The following CLEC20A variants were observed in gnomAD, a reference collection of about 807,000 sequenced individuals.
CLEC20A encodes C-type lectin domain containing 20A.
At chr1:178,495,344 G>A (rs946634076) in intron 1 of CLEC20A, among the ~76,000 whole-genome samples, 1 of 152,196 alleles carries the variant, frequency 6.6e-6, no homozygotes, top group Non-Finnish European at 1.5e-5. Context: ...AAGTACCCTG[G>A]GCAGGCTCTC....
chr1:178,487,297 A>G (rs1649172449), intron 5 of CLEC20A, among the ~76,000 whole-genome samples: 2 of 152,184 alleles, frequency 1.3e-5, no homozygotes, highest in Admixed American at 6.5e-5. Context: ...TTAGATGAGA[A>G]GACAGGCTGT....
At chr1:178,486,997 G>T in intron 5 of CLEC20A, 2 of 395,054 alleles carry the variant, frequency 5.1e-6, no homozygotes, top group Non-Finnish European at 8.9e-6. Context: ...GCCCCTCTGA[G>T]TGAGCCGCGC....
At chr1:178,495,249 G>C (rs1649360191) in intron 1 of CLEC20A, among the ~76,000 whole-genome samples, 1 of 152,248 alleles carries the variant, frequency 6.6e-6, no homozygotes, top group Non-Finnish European at 1.5e-5. Flanking sequence ...ATAGCACTCT[G>C]TTTTACAAAT....
In CLEC20A at chr1:178,482,061, GA is replaced by G. The variant is rs1648999609; in HGVS notation, c.1122+250del. 3 of 313,038 alleles carry G rather than the reference GA, an allele frequency of 9.6e-6. No individual in the cohort carries two copies. In the Admixed American group the frequency reaches 1.5e-4, roughly 16 times the overall value. 19.4% of individuals were successfully genotyped at this position (313,038 alleles called of 1,614,324 possible). A position where few individuals can be genotyped will look rare whatever the true frequency, so the allele number is the denominator to read the frequency against. On this transcript the variant is annotated intron_variant, in intron 7 of 7. Transcript: ENST00000623247. ...CAGATCCCTCTGACCGTGCTGTCTT[GA>G]CCAAAAAAAAACAAAAAAACAAAAA...
intron 5 of CLEC20A, among the ~76,000 whole-genome samples, chr1:178,485,008 G>A (rs533544508): frequency 6.6e-6 from 1 of 152,090 alleles, no homozygotes; most frequent in African/African-American, 2.4e-5. Context: ...TTAATAAAGT[G>A]GATAAATGTG....
At chr1:178,481,925 G>A (rs926125375) in intron 7 of CLEC20A, 1 of 161,706 alleles carries the variant, frequency 6.2e-6, no homozygotes, top group African/African-American at 2.5e-5. Context: ...AACCATGTGA[G>A]TTAGGCATTA....
chr1:178,496,583 T>C (rs1162913869), intron 1 of CLEC20A: 2 of 326,544 alleles, frequency 6.1e-6, no homozygotes, highest in African/African-American at 4.2e-5. Context: ...TTCCCTGCAT[T>C]GCACATGCTT....
upstream of CLEC20A, chr1:178,497,256 T>G: frequency 3.2e-6 from 1 of 310,550 alleles, no homozygotes. Context: ...TACCTTCTCC[T>G]GCCTTCCTGT....
rs771558758 is a variant in CLEC20A at position 178,482,090 on chromosome 1, C to CA, written c.1122+221dup. 1,063 of 366,308 alleles carry CA rather than the reference C, an allele frequency of 2.9e-3. 20 individuals carry two copies. The highest frequency in any genetic ancestry group is 0.023 in the African/African-American group (986 of 43,402). The allele number at this position is 366,308 out of a possible 1,614,324, so 22.7% of individuals were successfully genotyped here. A position where few individuals can be genotyped will look rare whatever the true frequency, so the allele number is the denominator to read the frequency against. Reference sequence around the variant, plus strand: ...AAAAAAAAACAAAAAAACAAAAAAACAACAAAAAAAAAAACTTAGGAAAGA... The same window carrying CA: ...AAAAAAAAACAAAAAAACAAAAAAACAAACAAAAAAAAAAACTTAGGAAAGA... On this transcript the variant is annotated intron_variant, in intron 7 of 7. Coordinates refer to ENST00000623247, the Ensembl canonical transcript of CLEC20A.
At chr1:178,484,366 C>T (rs1480455474) in intron 5 of CLEC20A, 1 of 152,156 alleles carries the variant, frequency 6.6e-6, no homozygotes, top group Non-Finnish European at 1.5e-5. Context: ...ATCTTTGCCA[C>T]ACTGTTAAGT....
At chr1:178,480,422 G>A (rs1234624903) in intron 7 of CLEC20A, 1 of 152,200 alleles carries the variant, frequency 6.6e-6, no homozygotes, top group African/African-American at 2.4e-5. Context: ...TTTGGAGTCA[G>A]AAGCTTCAAT....
chr1:178,493,953 T>C (rs577656423), intron 2 of CLEC20A, among the ~76,000 whole-genome samples: 2 of 152,340 alleles, frequency 1.3e-5, no homozygotes, highest in African/African-American at 4.8e-5. Context: ...TTTTTTCTAT[T>C]GAGGTCTTCG....
intron 5 of CLEC20A, among the ~76,000 whole-genome samples, chr1:178,485,429 A>G (rs1649107688): frequency 6.6e-6 from 1 of 152,144 alleles, no homozygotes; most frequent in South Asian, 2.1e-4. Context: ...CAAGCAAACC[A>G]TACAGTTTGA....
intron 5 of CLEC20A, chr1:178,486,961 A>C (rs532812212): frequency 5.0e-6 from 2 of 396,446 alleles, no homozygotes; most frequent in African/African-American, 4.1e-5. Context: ...GGAGGTGCGG[A>C]GGTCGGGCTC....
At chr1:178,487,492 A>ACCCC (rs925983804) in intron 5 of CLEC20A, among the ~76,000 whole-genome samples, 10 of 151,976 alleles carry the variant, frequency 6.6e-5, no homozygotes, top group Admixed American at 5.2e-4. Flanking sequence ...CCAGCCACGC[A>ACCCC]CCCCCACTCC....
chr1:178,486,962 G>C (rs1649162194), intron 5 of CLEC20A: 1 of 396,446 alleles, frequency 2.5e-6, no homozygotes, highest in African/African-American at 2.1e-5. Flanking sequence ...GAGGTGCGGA[G>C]GTCGGGCTCG....
chr1:178,489,996 C>T (rs1649235002), intron 4 of CLEC20A, 76 bp downstream of exon 4: 2 of 398,116 alleles, frequency 5.0e-6, no homozygotes, highest in Non-Finnish European at 8.8e-6. Context: ...ATGTCATCTG[C>T]TGCCAAGTAA....
Position 178,485,592 on chromosome 1 carries a change from A to G in CLEC20A, c.929-2310T>C, listed in dbSNP as rs549667791. 5.3e-5 allele frequency among the ~76,000 whole-genome samples: 8 copies of G among 152,310 alleles called. No individual in the cohort carries two copies. The South Asian group carries it at 1.7e-3, about 32-fold the overall frequency. On this transcript the variant is annotated intron_variant, in intron 5 of 7. Transcript: ENST00000623247. ...TTTCCTGCCACAGCTCTTGGTTCAC[A>G]CTTCTGGTGCAGCATTTTCCAAACC...
At chr1:178,487,382 T>A (rs1649174821) in intron 5 of CLEC20A, among the ~76,000 whole-genome samples, 1 of 152,106 alleles carries the variant, frequency 6.6e-6, no homozygotes, top group Admixed American at 6.5e-5. Context: ...GGTCCCTTAG[T>A]GACTCACAGG....
Sources: allele counts gnomAD v4.1 joint callset (sites outside exome capture counted in the v4.1 genomes callset), GRCh38; gene constraint gnomAD v4.1.1; transcripts MANE v1.5; gene names NCBI Gene and HGNC (gene_info 2026-07-23, HGNC 2026-07-21).